RPA3: variants seen among roughly 807,000 people sequenced by gnomAD.
RPA3 encodes replication protein A3.
RPA3 carries 24 observed loss-of-function variants against 13.7 expected under a neutral mutation model. The ratio of observed to expected loss-of-function variants is 1.75; its 90% CI spans 1.27 to 2.46. The LOEUF (loss-of-function observed/expected upper bound fraction) is 2.46. Ranked by LOEUF, RPA3 falls within the 30% of genes most tolerant of loss-of-function variation. RPA3 has a pLI of 0.00. For synonymous variants in RPA3, 59 were observed against 51.2 expected (o/e 1.15, Z -0.65); for missense variants, 183 against 151.0 (o/e 1.21, Z -1.11).
chr7:7,645,540 A>G (rs958617270), intron 4 of RPA3, among the ~76,000 whole-genome samples: 2 of 152,206 alleles, frequency 1.3e-5, no homozygotes, highest in East Asian at 1.9e-4. Flanking sequence ...GTGGACCCGC[A>G]TTCAGCTTCC....
At chr7:7,674,095 C>A (rs116851827) in intron 4 of RPA3, among the ~76,000 whole-genome samples, 1 of 152,168 alleles carries the variant, frequency 6.6e-6, no homozygotes, top group Non-Finnish European at 1.5e-5. Flanking sequence ...CCCAGAAATT[C>A]TCTTTCCAAA....
At chr7:7,691,411 A>G (rs1365767269) in intron 2 of RPA3, among the ~76,000 whole-genome samples, 1 of 152,260 alleles carries the variant, frequency 6.6e-6, no homozygotes, top group African/African-American at 2.4e-5. Flanking sequence ...ATTACTAAAT[A>G]CATAATTTCA....
Position 7,640,671 on chromosome 7 carries a change from G to T in RPA3, c.-253C>A. 1 of 496,608 alleles carries T rather than the reference G, an allele frequency of 2.0e-6. No individual in the cohort carries two copies. Among genetic ancestry groups the T allele is most frequent in the Non-Finnish European group, 3.6e-6 (1 of 277,296 alleles). The allele number at this position is 496,608 out of a possible 1,614,324, so 30.8% of individuals were successfully genotyped here. A position where few individuals can be genotyped will look rare whatever the true frequency, so the allele number is the denominator to read the frequency against. ...GGCGTCCCGGAAGTTGACAGATACA[G>T]GGCGAGAGGCAGTGGAGGCGGGACT... On this transcript the variant is annotated 5_prime_UTR_variant, in exon 5 of 8. In the 5' UTR this introduces an upstream ATG that the reference lacks. Transcript: ENST00000223129.
intron 4 of RPA3, among the ~76,000 whole-genome samples, chr7:7,645,202 A>G (rs924471617): frequency 6.6e-6 from 1 of 152,066 alleles, no homozygotes; most frequent in African/African-American, 2.4e-5. Flanking sequence ...ATTCTTACAT[A>G]TTTTATTTAT....
intron 4 of RPA3, among the ~76,000 whole-genome samples, chr7:7,650,546 C>T (rs963327974): frequency 6.6e-6 from 1 of 152,212 alleles, no homozygotes; most frequent in East Asian, 1.9e-4. Flanking sequence ...GTAGTGATGG[C>T]TGCAGGACAG....
chr7:7,702,435 A>T lies in RPA3; in HGVS notation c.-1028+12740T>A, dbSNP rs150903017. 2.3e-3 allele frequency among the ~76,000 whole-genome samples: 345 copies of T among 152,240 alleles called. 5 individuals are homozygous for T. The highest frequency in any genetic ancestry group is 7.8e-3 in the African/African-American group (325 of 41,556). On this transcript the variant is annotated intron_variant, in intron 2 of 7. Coordinates refer to ENST00000223129, the MANE Select transcript of RPA3 (RefSeq NM_002947.5). ...GAAGGAGTCTATGGACTATAATACGAAAATTCTGGTTGGGGAGGCAGGAAA... is the reference window on the plus strand; with the variant it reads ...GAAGGAGTCTATGGACTATAATACGTAAATTCTGGTTGGGGAGGCAGGAAA...
intron 4 of RPA3, among the ~76,000 whole-genome samples, chr7:7,678,416 AT>A (rs1207553536): frequency 8.3e-5 from 12 of 144,322 alleles, no homozygotes; most frequent in South Asian, 4.2e-4. Flanking sequence ...ATATAAAAAA[AT>A]ATATTTATAT....
intron 2 of RPA3, among the ~76,000 whole-genome samples, chr7:7,691,032 A>G (rs1780161553): frequency 6.6e-6 from 1 of 152,188 alleles, no homozygotes; most frequent in Non-Finnish European, 1.5e-5. Context: ...AGAGCTCAGC[A>G]TGGTACAAAC....
intron 1 of RPA3, among the ~76,000 whole-genome samples, chr7:7,716,604 A>G (rs1036353585): frequency 6.6e-6 from 1 of 152,224 alleles, no homozygotes; most frequent in African/African-American, 2.4e-5. Context: ...GGCAGGCAAC[A>G]TGGTGCTGGC....
At chr7:7,640,003 T>A in intron 5 of RPA3, 1 of 360,426 alleles carries the variant, frequency 2.8e-6, no homozygotes. Flanking sequence ...CCGTCACGTC[T>A]GAGTAAACTA....
chr7:7,686,308 C>T (rs1209258009), intron 3 of RPA3, among the ~76,000 whole-genome samples: 1 of 152,104 alleles, frequency 6.6e-6, no homozygotes, highest in Non-Finnish European at 1.5e-5. Context: ...TGTCCAGAAA[C>T]ATGGTTTGTG....
chr7:7,653,348 T>G (rs936281641), intron 4 of RPA3, among the ~76,000 whole-genome samples: 1 of 152,240 alleles, frequency 6.6e-6, no homozygotes, highest in Non-Finnish European at 1.5e-5. Context: ...TTGCCTTCTT[T>G]GTCAGTGATT....
chr7:7,692,455 C>T (rs1463995531), intron 2 of RPA3: 2 of 152,180 alleles, frequency 1.3e-5, no homozygotes, highest in African/African-American at 4.8e-5. Context: ...GGGCACCCAC[C>T]TGCCTCTAAG....
chr7:7,642,216 C>G (rs1297549735), intron 4 of RPA3, among the ~76,000 whole-genome samples: 2 of 152,136 alleles, frequency 1.3e-5, no homozygotes, highest in Non-Finnish European at 2.9e-5. Flanking sequence ...CTCACTGCAG[C>G]CTTTAACTCG....
intron 2 of RPA3, among the ~76,000 whole-genome samples, chr7:7,702,785 T>G (rs909135845): frequency 6.7e-6 from 1 of 150,346 alleles, no homozygotes; most frequent in Non-Finnish European, 1.5e-5. Context: ...GGCCTGGGTT[T>G]TTGTTGTTGT....
At chr7:7,641,664 G>A (rs1563074743) in intron 4 of RPA3, 3 of 152,202 alleles carry the variant, frequency 2.0e-5, no homozygotes, top group East Asian at 1.9e-4. Context: ...GGCCTTGCCA[G>A]GAGTATTCTA....
At chr7:7,707,944 T>G (rs1259637567) in intron 2 of RPA3, among the ~76,000 whole-genome samples, 1 of 152,226 alleles carries the variant, frequency 6.6e-6, no homozygotes, top group Non-Finnish European at 1.5e-5. Context: ...GTTTTAAGCA[T>G]GTTTAGTTTG....
chr7:7,674,399 C>T (rs80045764), intron 4 of RPA3, among the ~76,000 whole-genome samples: 215 of 152,242 alleles, frequency 1.4e-3, no homozygotes, highest in African/African-American at 5.1e-3. Flanking sequence ...CTCTGTGAGA[C>T]CAGAATAGAG....
At chr7:7,665,348 C>CCATTAAA (rs1470537138) in intron 4 of RPA3, among the ~76,000 whole-genome samples, 1 of 152,182 alleles carries the variant, frequency 6.6e-6, no homozygotes, top group African/African-American at 2.4e-5. Context: ...AAAGTCAATA[C>CCATTAAA]AGTGTCCTTT....
Sources: gnomAD v4.1 joint callset for allele counts (sites outside exome capture counted in the v4.1 genomes callset) on GRCh38, gnomAD v4.1.1 for gene constraint, MANE v1.5 for transcripts, NCBI Gene and HGNC (gene_info 2026-07-23, HGNC 2026-07-21) for gene names.